Variants in SPOCK3 observed in about 807,000 individuals in gnomAD.
The protein encoded by SPOCK3 is SPARC (osteonectin), cwcv and kazal like domains proteoglycan 3, also known as testican-3.
Under a neutral mutation model 56.6 loss-of-function variants are expected in SPOCK3, and 30 were observed. That is an observed-to-expected ratio of 0.53 (90% CI 0.40 to 0.72). SPOCK3 has a LOEUF of 0.72. Among genes scored for constraint, SPOCK3 ranks in the 30% least tolerant of loss-of-function variants. The pLI is 0.00. For missense variants in SPOCK3, 527 were observed against 530.0 expected (o/e 0.99, Z 0.06); for synonymous variants, 196 against 183.3 (o/e 1.07, Z -0.56).
chr4:167,228,351 T>G (rs1736807569), intron 2 of SPOCK3, among the ~76,000 whole-genome samples: 1 of 152,150 alleles, frequency 6.6e-6, no homozygotes, highest in Admixed American at 6.6e-5. Context: ...TTAGTTACAC[T>G]TTTCTAGTCA....
At chr4:166,921,197 A>T (rs1448740358) in intron 4 of SPOCK3, among the ~76,000 whole-genome samples, 1 of 152,136 alleles carries the variant, frequency 6.6e-6, no homozygotes, top group African/African-American at 2.4e-5. Context: ...CACATGTCTG[A>T]TTTTTCAAGT....
At chr4:167,176,318 C>G (rs1484499668) in intron 2 of SPOCK3, among the ~76,000 whole-genome samples, 1 of 152,062 alleles carries the variant, frequency 6.6e-6, no homozygotes, top group Non-Finnish European at 1.5e-5. Flanking sequence ...TTTGGGGAAC[C>G]ATTTTTCTAC....
intron 2 of SPOCK3, among the ~76,000 whole-genome samples, chr4:167,205,525 T>TA (rs1734181774): frequency 8.7e-5 from 5 of 57,766 alleles, no homozygotes; most frequent in African/African-American, 3.8e-4. Flanking sequence ...ATATTATATA[T>TA]ATTATTATAT....
At chr4:166,790,758 T>C (rs542036632) in intron 7 of SPOCK3, among the ~76,000 whole-genome samples, 2 of 152,306 alleles carry the variant, frequency 1.3e-5, no homozygotes, top group South Asian at 4.1e-4. Flanking sequence ...CGCATCAGTC[T>C]GAACTCAAGC....
intron 6 of SPOCK3, among the ~76,000 whole-genome samples, chr4:166,860,802 C>CATATATATATATATATATATATACATAT: frequency 2.0e-5 from 2 of 101,940 alleles, no homozygotes; most frequent in Non-Finnish European, 2.0e-5. Context: ...CACACAAATT[C>CATATATATATATATATATATATACATAT]ATATATATAT....
At chr4:166,967,441 A>C (rs536809772) in intron 4 of SPOCK3, among the ~76,000 whole-genome samples, 1 of 152,290 alleles carries the variant, frequency 6.6e-6, no homozygotes, top group Admixed American at 6.5e-5. Context: ...TGATTGGATC[A>C]TGGGGGCAGA....
At chr4:166,948,872 G>A (rs978912425) in intron 4 of SPOCK3, among the ~76,000 whole-genome samples, 2 of 151,928 alleles carry the variant, frequency 1.3e-5, no homozygotes, top group Non-Finnish European at 2.9e-5. Context: ...TGTATTTCCT[G>A]AATCTGAATG....
At chr4:167,020,002 C>T (rs1036055059) in intron 3 of SPOCK3, among the ~76,000 whole-genome samples, 2 of 151,998 alleles carry the variant, frequency 1.3e-5, no homozygotes, top group Admixed American at 6.6e-5. Context: ...GGAGCACAAG[C>T]CCCCCTGAAC....
intron 2 of SPOCK3, among the ~76,000 whole-genome samples, chr4:167,215,198 A>T (rs979804307): frequency 6.6e-6 from 1 of 152,128 alleles, no homozygotes; most frequent in Non-Finnish European, 1.5e-5. Flanking sequence ...TCAACTAATA[A>T]TATTAACCTG....
chr4:166,738,420 A>T (rs538824402), intron 9 of SPOCK3, among the ~76,000 whole-genome samples: 1,109 of 43,974 alleles, frequency 0.025, 6 homozygotes, highest in Middle Eastern at 0.047. Flanking sequence ...AATATTTTTT[A>T]TTTATTTATT....
At chr4:166,917,969 G>A (rs970093203) in intron 4 of SPOCK3, among the ~76,000 whole-genome samples, 2 of 152,188 alleles carry the variant, frequency 1.3e-5, no homozygotes, top group South Asian at 2.1e-4. Context: ...CTCAACTGAT[G>A]GTGACTTAAT....
At chr4:167,223,279 T>G (rs868748934) in intron 2 of SPOCK3, among the ~76,000 whole-genome samples, 1 of 143,250 alleles carries the variant, frequency 7.0e-6, no homozygotes, top group South Asian at 2.1e-4. Flanking sequence ...CATTTATAAA[T>G]ATGTATTTAT....
At position 166,932,991 on chromosome 4, in the gene SPOCK3, T is replaced by G. The variant is rs1739963160; in HGVS notation, c.351-20248A>C. 5.3e-5 allele frequency among the ~76,000 whole-genome samples: 8 copies of G among 152,176 alleles called. No homozygotes were observed. The South Asian group carries it at 1.7e-3, about 31-fold the overall frequency. ...TACTTGTAATAAGAATCCTAGTAAG[T>G]ATAAAAGCAGTGACAAATCCATGCA... On this transcript the variant is annotated intron_variant, in intron 4 of 10. Transcript: ENST00000357545.
chr4:167,130,683 A>G (rs1762635003), intron 2 of SPOCK3, among the ~76,000 whole-genome samples: 1 of 152,198 alleles, frequency 6.6e-6, no homozygotes. Flanking sequence ...CAGTCCAAGT[A>G]AGACAGTTAG....
At position 166,802,900 on chromosome 4, in the gene SPOCK3, C is replaced by T. The variant is rs113595371; in HGVS notation, c.590-10611G>A. ...CAGGGCAGATTTGAGCAATTCTAAACGCTCTTTCTTAAAAAGTTCCGTTTA... is the reference window on the plus strand; with the variant it reads ...CAGGGCAGATTTGAGCAATTCTAAATGCTCTTTCTTAAAAAGTTCCGTTTA... On this transcript the variant is annotated intron_variant, in intron 6 of 10. Transcript: ENST00000357545. Among the ~76,000 whole-genome samples the T allele has an allele frequency of 4.3e-3, 656 of 152,138 alleles. 4 individuals carry two copies. The highest frequency in any genetic ancestry group is 0.015 in the African/African-American group (606 of 41,530).
At chr4:166,767,730 T>G (rs978484075) in intron 7 of SPOCK3, among the ~76,000 whole-genome samples, 2 of 152,288 alleles carry the variant, frequency 1.3e-5, no homozygotes, top group Middle Eastern at 3.4e-3. Context: ...TTGAGTTCAA[T>G]TCCTGGATAT....
At chr4:167,066,159 C>A (rs1756111822) in intron 2 of SPOCK3, among the ~76,000 whole-genome samples, 1 of 151,696 alleles carries the variant, frequency 6.6e-6, no homozygotes, top group South Asian at 2.1e-4. Flanking sequence ...TGCATTTTTT[C>A]TCTAATTTTA....
intron 5 of SPOCK3, among the ~76,000 whole-genome samples, chr4:166,905,087 T>C (rs964989840): frequency 1.7e-4 from 26 of 152,006 alleles, no homozygotes; most frequent in African/African-American, 6.0e-4. Context: ...AAAAAAAGTC[T>C]TGTAATTTTT....
intron 5 of SPOCK3, among the ~76,000 whole-genome samples, chr4:166,898,556 C>A (rs1239300645): frequency 6.6e-6 from 1 of 152,136 alleles, no homozygotes; most frequent in African/African-American, 2.4e-5. Flanking sequence ...GGAAGGTAAG[C>A]CAACGTGACC....
Sources: allele counts gnomAD v4.1 joint callset (sites outside exome capture counted in the v4.1 genomes callset), GRCh38; gene constraint gnomAD v4.1.1; transcripts MANE v1.5; gene names NCBI Gene and HGNC (gene_info 2026-07-23, HGNC 2026-07-21).